Variants in MAPT observed in about 807,000 individuals in gnomAD.
The protein encoded by MAPT is microtubule-associated protein tau.
A neutral mutation model predicts 67.9 loss-of-function variants in MAPT; 34 were observed. That is an observed-to-expected ratio of 0.50 (90% CI 0.38 to 0.67). MAPT has a LOEUF of 0.67. Ranked by LOEUF, MAPT falls within the 30% of genes least tolerant of loss-of-function variation. The pLI is 0.00. For missense variants in MAPT, 881 were observed against 1,115.2 expected (o/e 0.79, Z 2.99); for synonymous variants, 456 against 464.5 (o/e 0.98, Z 0.23).
At chr17:45,992,159 G>GA (rs1039736883) in intron 8 of MAPT, among the ~76,000 whole-genome samples, 5 of 151,842 alleles carry the variant, frequency 3.3e-5, no homozygotes, top group East Asian at 1.9e-4. Flanking sequence ...ACAGAAAAAG[G>GA]AAAAAAAAGA....
At chr17:45,962,677 G>A (rs1230071234) in intron 2 of MAPT, among the ~76,000 whole-genome samples, 1 of 152,204 alleles carries the variant, frequency 6.6e-6, no homozygotes, top group Non-Finnish European at 1.5e-5. Flanking sequence ...TGTAATCCCA[G>A]CACTTTGGAA....
chr17:46,008,623 A>G (rs1484566780), intron 9 of MAPT, among the ~76,000 whole-genome samples: 2 of 152,200 alleles, frequency 1.3e-5, no homozygotes, highest in Non-Finnish European at 2.9e-5. Context: ...AACATAAAAG[A>G]TTATGAAGAA....
rs2074408232 is a variant in MAPT at position 45,995,622 on chromosome 17, A to C, written c.1733-777A>C. Among the ~76,000 whole-genome samples, 1 of 151,650 alleles carries C rather than the reference A, an allele frequency of 6.6e-6. No individual in the cohort carries two copies. ...AGCATCTGCATGGAGAGGAGAAGAGACCCCCCAGCAGCTTCCAGGGTGTTG... is the reference window on the plus strand; with the variant it reads ...AGCATCTGCATGGAGAGGAGAAGAGCCCCCCCAGCAGCTTCCAGGGTGTTG... On this transcript the variant is annotated intron_variant, in intron 8 of 12. Coordinates refer to ENST00000262410, the MANE Select transcript of MAPT (RefSeq NM_001377265.1). The surrounding 1 kb of genome is among the most constrained non-coding windows in gnomAD (Gnocchi z 4.3).
chr17:45,939,993 C>A (rs2067711282), intron 1 of MAPT, among the ~76,000 whole-genome samples: 1 of 152,068 alleles, frequency 6.6e-6, no homozygotes, highest in Non-Finnish European at 1.5e-5. Context: ...AGATAATTAC[C>A]CCCTCCCCAC....
chr17:45,941,705 G>GCCTTCCTTCCTTCCTTCCTTCCTT (rs1201409768), intron 1 of MAPT, among the ~76,000 whole-genome samples: 1 of 25,570 alleles, frequency 3.9e-5, no homozygotes, highest in Admixed American at 3.8e-4. Flanking sequence ...CTTCCTGCCT[G>GCCTTCCTTCCTTCCTTCCTTCCTT]CCTTCCTTCC....
At chr17:45,990,353 C>T (rs1485960595) in intron 7 of MAPT, among the ~76,000 whole-genome samples, 1 of 152,144 alleles carries the variant, frequency 6.6e-6, no homozygotes, top group Non-Finnish European at 1.5e-5. Flanking sequence ...GTGGCTCACA[C>T]CTGTAATCCC....
At position 45,896,565 on chromosome 17, in the gene MAPT, C is replaced by G. The variant is rs912978948; in HGVS notation, c.-18+1879C>G. ...AGAGGGGATCTTGGGGCTGGCCTCA[C>G]CCCTTCCCTGCGGAGATTGGGGACC... is the stretch of plus-strand genomic sequence containing the variant. On this transcript the variant is annotated intron_variant, in intron 1 of 12. Transcript: ENST00000262410. This position sits in a 1 kb window ranked among gnomAD's most constrained non-coding sequence, Gnocchi z 5.6. The G allele has an allele frequency of 1.3e-5, 2 of 152,192 alleles. No homozygotes were observed. The highest frequency in any genetic ancestry group is 4.8e-5 in the African/African-American group (2 of 41,434). The allele number at this position is 152,192 out of a possible 1,614,324, so 9.4% of individuals were successfully genotyped here. A position where few individuals can be genotyped will look rare whatever the true frequency, so the allele number is the denominator to read the frequency against.
At chr17:46,018,806 T>C (rs1468669108) in intron 12 of MAPT, 76 bp downstream of exon 12, 30 of 1,089,748 alleles carry the variant, frequency 2.8e-5, no homozygotes, top group Non-Finnish European at 4.1e-5. Context: ...CAAAGGCTGG[T>C]CCAGTTCCCA....
chr17:45,905,586 T>G (rs1328348812), intron 1 of MAPT, among the ~76,000 whole-genome samples: 1 of 152,238 alleles, frequency 6.6e-6, no homozygotes, highest in African/African-American at 2.4e-5. Context: ...TCTTATCGTT[T>G]GTTACCAGTA....
At chr17:45,901,431 A>G (rs2063605677) in intron 1 of MAPT, among the ~76,000 whole-genome samples, 2 of 152,254 alleles carry the variant, frequency 1.3e-5, no homozygotes, top group Admixed American at 1.3e-4. Flanking sequence ...AAGTAATTCA[A>G]CAGAGTGCTG....
intron 7 of MAPT, chr17:45,990,563 C>T (rs780502581): frequency 7.3e-6 from 3 of 409,238 alleles, no homozygotes; most frequent in Non-Finnish European, 4.8e-6. Context: ...TTGTAGTTAG[C>T]TCCAGCTTGG....
intron 10 of MAPT, among the ~76,000 whole-genome samples, chr17:46,013,058 T>A (rs1203319727): frequency 2.0e-5 from 3 of 152,174 alleles, no homozygotes; most frequent in Non-Finnish European, 4.4e-5. Context: ...TGGTTCCAGT[T>A]TAGACCTAAG....
At position 45,983,349 on chromosome 17, in the gene MAPT, G is replaced by A. The variant is rs773565326; in HGVS notation, c.770G>A (p.Arg257His). The change falls in exon 5 of 13, where the codon CGC becomes CAC. Residue 257 changes from arginine to histidine, a missense_variant. Arg to His is a conservative substitution (Grantham distance 29, BLOSUM62 0). Coordinates refer to ENST00000262410, the MANE Select transcript of MAPT (RefSeq NM_001377265.1). ...GTGPEDTEGG[R>H]HAPELLKHQL... ...GGACCTGAGGACACAGAGGGCGGCCGCCACGCCCCTGAGCTGCTCAAGCAC... is the reference window on the plus strand; with the variant it reads ...GGACCTGAGGACACAGAGGGCGGCCACCACGCCCCTGAGCTGCTCAAGCAC... 9 of 1,604,694 alleles carry A rather than the reference G, an allele frequency of 5.6e-6. No homozygotes were observed. The highest frequency in any genetic ancestry group is 4.0e-5 in the African/African-American group (3 of 74,738).
chr17:46,010,302 T>C lies in MAPT; in HGVS notation c.1999-8T>C, dbSNP rs1460014498. 6.4e-7 allele frequency: 1 copy of C among 1,555,202 alleles called. No individual in the cohort carries two copies. Among genetic ancestry groups the C allele is most frequent in the Non-Finnish European group, 8.7e-7 (1 of 1,146,826 alleles). ...CGTGTCACTCATCCTTTTTTCTGGC[T>C]ACCAAAGGTGCAGATAATTAATAAG... On this transcript the variant is annotated splice_region_variant and splice_polypyrimidine_tract_variant and intron_variant, in intron 9 of 12. Coordinates refer to ENST00000262410, the MANE Select transcript of MAPT (RefSeq NM_001377265.1). The surrounding 1 kb of genome is among the most constrained non-coding windows in gnomAD (Gnocchi z 4.7).
chr17:45,954,857 G>A (rs938976155), intron 1 of MAPT, among the ~76,000 whole-genome samples: 5 of 151,790 alleles, frequency 3.3e-5, no homozygotes, highest in African/African-American at 4.8e-5. Flanking sequence ...AGTGGCGGGC[G>A]CCTGTAGTCC....
chr17:45,989,736 G>T (rs1450332827), intron 6 of MAPT, 142 bp from the exon 7 acceptor site: 1 of 730,428 alleles, frequency 1.4e-6, no homozygotes, highest in Non-Finnish European at 2.4e-6. Context: ...GATATTAAGG[G>T]TACCTGATTC....
intron 1 of MAPT, among the ~76,000 whole-genome samples, chr17:45,955,664 G>A (rs1343369464): frequency 6.6e-6 from 1 of 152,124 alleles, no homozygotes; most frequent in African/African-American, 2.4e-5. Context: ...CGTGCTGGGA[G>A]CCACCTCTGA....
chr17:45,907,638 C>T (rs560126191), intron 1 of MAPT: 1 of 152,354 alleles, frequency 6.6e-6, no homozygotes, highest in East Asian at 1.9e-4. Context: ...CACTCAGTTC[C>T]AGTACTCTAT....
chr17:45,993,167 A>G (rs1013647040), intron 8 of MAPT, among the ~76,000 whole-genome samples: 1 of 152,126 alleles, frequency 6.6e-6, no homozygotes, highest in Admixed American at 6.6e-5. Context: ...GAGCCTGCCC[A>G]CCACCTGCTG....
Sources: allele counts gnomAD v4.1 joint callset (sites outside exome capture counted in the v4.1 genomes callset), GRCh38; gene constraint gnomAD v4.1.1; non-coding constraint Gnocchi (gnomAD v3.1); transcripts MANE v1.5; gene names NCBI Gene and HGNC (gene_info 2026-07-23, HGNC 2026-07-21).